The following TFAP2E variants were observed in gnomAD, a reference collection of about 807,000 sequenced individuals.
The protein encoded by TFAP2E is transcription factor AP-2-epsilon.
Under a neutral mutation model 37.9 loss-of-function variants are expected in TFAP2E, and 30 were observed. The observed-to-expected ratio is 0.79, with a 90% CI of 0.59 to 1.07. TFAP2E has a LOEUF of 1.07. Ranked by LOEUF, TFAP2E falls within the 50% of genes least tolerant of loss-of-function variation. The probability of loss-of-function intolerance (pLI) is 0.00; values close to 1 mark genes in which losing one functional copy is unlikely to be tolerated. For missense variants in TFAP2E, 567 were observed against 637.9 expected, an observed-to-expected ratio of 0.89 and a Z score of 1.20; for synonymous variants, 318 against 295.8, an observed-to-expected ratio of 1.08 and a Z score of -0.77.
rs1649221193 is a variant in TFAP2E at position 35,577,710 on chromosome 1, AC to A, written c.562+2712del. The A allele has an allele frequency of 6.7e-6, 2 of 298,942 alleles. No homozygotes were observed. The highest frequency in any genetic ancestry group is 1.4e-5 in the Non-Finnish European group (2 of 147,012). 18.5% of individuals were successfully genotyped at this position (298,942 alleles called of 1,614,324 possible). On this transcript the variant is annotated intron_variant, in intron 3 of 6. Transcript: ENST00000373235. This position sits in a 1 kb window ranked among gnomAD's most constrained non-coding sequence, Gnocchi z 6.3. ...TTCGCCAGCGCCGCGGGGCAGAGGC[AC>A]CTGGAGCTCGCAGGGCCCAGACCTG...
rs374256087 is a variant in TFAP2E, at chr1:35,574,902, C to T, written c.511-47C>T. 1.3e-5 allele frequency: 21 copies of T among 1,612,774 alleles called. No individual in the cohort carries two copies. In the Admixed American group the frequency reaches 2.3e-4, roughly 18 times the overall value. The stretch of plus-strand genomic sequence containing the variant: ...TGGCAGGGGCTTGGGAAGACATGGG[C>T]GGCTAGGGCTTTATGCGCCCTCACC... On this transcript the variant is annotated intron_variant, in intron 2 of 6. Transcript: ENST00000373235.
At position 35,573,917 on chromosome 1, in the gene TFAP2E, C is replaced by T; in HGVS notation, c.28-10C>T. 6.9e-7 allele frequency: 1 copy of T among 1,450,066 alleles called. No homozygotes were observed. The highest frequency in any genetic ancestry group is 1.5e-5 in the African/African-American group (1 of 67,240). The allele number at this position is 1,450,066 out of a possible 1,614,324, so 89.8% of individuals were successfully genotyped here. A position where few individuals can be genotyped will look rare whatever the true frequency, so the allele number is the denominator to read the frequency against. ...AGTGGGTCACCTAAGGCACCCCTCT[C>T]CTTCCCCAGGAGCGCCCCGACGGGC... On this transcript the variant is annotated splice_polypyrimidine_tract_variant and intron_variant, in intron 1 of 6. Transcript: ENST00000373235. This position sits in a 1 kb window ranked among gnomAD's most constrained non-coding sequence, Gnocchi z 5.9.
Position 35,590,608 on chromosome 1 carries a change from AG to A in TFAP2E, c.905-25del. On this transcript the variant is annotated intron_variant, in intron 5 of 6. Coordinates refer to ENST00000373235, the MANE Select transcript of TFAP2E (RefSeq NM_178548.4). The surrounding 1 kb of genome is among the most constrained non-coding windows in gnomAD (Gnocchi z 6.2). ...TTCCAGGCGCAGAGGTACACCCTGCAGTAGTGACAGCTCCCCTCCCCCCAGG... is the reference window on the plus strand; with the variant it reads ...TTCCAGGCGCAGAGGTACACCCTGCATAGTGACAGCTCCCCTCCCCCCAGG... 1 of 1,454,194 alleles carries A rather than the reference AG, an allele frequency of 6.9e-7. No individual in the cohort carries two copies. The highest frequency in any genetic ancestry group is 2.4e-5 in the East Asian group (1 of 41,234). 90.1% of individuals were successfully genotyped at this position (1,454,194 alleles called of 1,614,324 possible). A position where few individuals can be genotyped will look rare whatever the true frequency, so the allele number is the denominator to read the frequency against.
chr1:35,585,164 G>A lies in TFAP2E; in HGVS notation c.563-3166G>A, dbSNP rs12026963. ...CTGAGAACCGAAGGAGCACTGTGGG[G>A]CTCAAAGAGCTCACACCCTGGGAGT... On this transcript the variant is annotated intron_variant, in intron 3 of 6. Transcript: ENST00000373235. Among the ~76,000 whole-genome samples, 31 of 152,224 alleles carry A rather than the reference G, an allele frequency of 2.0e-4. No homozygotes were observed. In the East Asian group the frequency reaches 5.8e-3, roughly 28 times the overall value.
chr1:35,590,929 C>T lies in TFAP2E; in HGVS notation c.1046+154C>T, dbSNP rs1326376207. 2.6e-5 allele frequency among the ~76,000 whole-genome samples: 4 copies of T among 152,096 alleles called. No homozygotes were observed. Among genetic ancestry groups the T allele is most frequent in the Admixed American group, 6.5e-5 (1 of 15,280 alleles). ...CACGAGCAGTGGGCACACACACATA[C>T]GTGCGCACCACTGTGTACATCAGCA... On this transcript the variant is annotated intron_variant, in intron 6 of 6. Coordinates refer to ENST00000373235, the MANE Select transcript of TFAP2E (RefSeq NM_178548.4). This position sits in a 1 kb window ranked among gnomAD's most constrained non-coding sequence, Gnocchi z 6.2.
At chr1:35,583,658 T>G (rs1649411020) in intron 3 of TFAP2E, among the ~76,000 whole-genome samples, 1 of 151,658 alleles carries the variant, frequency 6.6e-6, no homozygotes, top group South Asian at 2.1e-4. Context: ...CTTCTGCATA[T>G]GTGACCAGCA....
chr1:35,574,041 G>C lies in TFAP2E; in HGVS notation c.142G>C (p.Ala48Pro). 6.7e-7 allele frequency: 1 copy of C among 1,485,230 alleles called. No homozygotes were observed. The highest frequency in any genetic ancestry group is 8.9e-7 in the Non-Finnish European group (1 of 1,123,370). The allele number at this position is 1,485,230 out of a possible 1,614,324, so 92.0% of individuals were successfully genotyped here. The change falls in exon 2 of 7, where the codon GCC becomes CCC. Residue 48 changes from alanine (A) to proline (P), a missense_variant. Around this residue, in one of 3 missense-constraint regions of TFAP2E, gnomAD observed 312 missense variants for 317.4 expected, o/e 0.98. Coordinates refer to ENST00000373235, the MANE Select transcript of TFAP2E (RefSeq NM_178548.4). ...LCHTPAATAA[A>P]EFQPPYFPPP... ...CCACACGCCGGCCGCCACAGCTGCC[G>C]CCGAATTCCAGCCGCCCTACTTCCC...
At chr1:35,585,984 G>T (rs1053731282) in intron 3 of TFAP2E, among the ~76,000 whole-genome samples, 1 of 152,138 alleles carries the variant, frequency 6.6e-6, no homozygotes, top group Non-Finnish European at 1.5e-5. Flanking sequence ...GGGAGGTGGT[G>T]GTTGCAGTGA....
At position 35,590,654 on chromosome 1, in the gene TFAP2E, C is replaced by T. The variant is rs748282618; in HGVS notation, c.925C>T (p.Arg309Ter). 8.5e-6 allele frequency: 13 copies of T among 1,525,770 alleles called. No individual in the cohort carries two copies. The highest frequency in any genetic ancestry group is 6.3e-5 in the South Asian group (5 of 79,040). The allele number at this position is 1,525,770 out of a possible 1,614,324, so 94.5% of individuals were successfully genotyped here. A position where few individuals can be genotyped will look rare whatever the true frequency, so the allele number is the denominator to read the frequency against. Residue 309 changes from arginine to a stop codon, truncating the protein, a stop_gained, in exon 6 of 7, where the codon CGA becomes TGA. Transcript: ENST00000373235. LOFTEE classifies it high-confidence loss of function. The surrounding 1 kb of genome is among the most constrained non-coding windows in gnomAD (Gnocchi z 6.2). ...CCCAGGAGAGGCCGTGCACCTGGCCCGAGACTTCGGTTACGTCTGTGAGAC... is the reference window on the plus strand; with the variant it reads ...CCCAGGAGAGGCCGTGCACCTGGCCTGAGACTTCGGTTACGTCTGTGAGAC... ...LVEGEAVHLA[R>*]DFGYVCETEF...
intron 3 of TFAP2E, among the ~76,000 whole-genome samples, chr1:35,578,185 G>A (rs985343392): frequency 4.6e-5 from 7 of 152,144 alleles, no homozygotes; most frequent in African/African-American, 1.7e-4. Flanking sequence ...AAGAGGGGGT[G>A]TGTAAAAAGG....
At chr1:35,586,834 CT>C (rs1007611301) in intron 3 of TFAP2E, among the ~76,000 whole-genome samples, 2 of 152,128 alleles carry the variant, frequency 1.3e-5, no homozygotes, top group African/African-American at 4.8e-5. Context: ...GCCTTTCCTA[CT>C]TTTGTATTCC....
In TFAP2E at chr1:35,590,730, A is replaced by G. The variant is rs1649639832; in HGVS notation, c.1001A>G (p.Asp334Gly). The G allele has an allele frequency of 1.3e-6, 2 of 1,537,066 alleles. No homozygotes were observed. The highest frequency in any genetic ancestry group is 8.8e-7 in the Non-Finnish European group (1 of 1,131,016). ...GAGTACCTGTGCCGACAGCACGCTG[A>G]CCCGGGGGAGCTGCACAGCCGCAAG... ...AAEYLCRQHA[D>G]PGELHSRKSM... Residue 334 changes from aspartate (D) to glycine (G), a missense_variant, in exon 6 of 7, where the codon GAC becomes GGC. Asp to Gly is a moderately conservative substitution (Grantham distance 94, BLOSUM62 -1). Coordinates refer to ENST00000373235, the MANE Select transcript of TFAP2E (RefSeq NM_178548.4). The surrounding 1 kb of genome is among the most constrained non-coding windows in gnomAD (Gnocchi z 6.2).
chr1:35,574,644 GA>G (rs1649116357), intron 2 of TFAP2E: 1 of 732,692 alleles, frequency 1.4e-6, no homozygotes, highest in African/African-American at 1.8e-5. Context: ...GGCAGGGACC[GA>G]ATCACTTCTT....
In TFAP2E at chr1:35,587,267, C is replaced by G. The variant is rs77197768; in HGVS notation, c.563-1063C>G. ...TTCGATATTCTCCCTTCCCCTGAGG[C>G]TAAGCAGGAGGATGGAGGTTAGACT... On this transcript the variant is annotated intron_variant, in intron 3 of 6. Coordinates refer to ENST00000373235, the MANE Select transcript of TFAP2E (RefSeq NM_178548.4). Among the ~76,000 whole-genome samples the G allele has an allele frequency of 6.3e-3, 956 of 152,336 alleles. 10 individuals are homozygous for G. The highest frequency in any genetic ancestry group is 0.022 in the African/African-American group (916 of 41,578).
In TFAP2E at chr1:35,579,782, G is replaced by A. The variant is rs1267970120; in HGVS notation, c.562+4782G>A. 2.0e-5 allele frequency among the ~76,000 whole-genome samples: 3 copies of A among 152,260 alleles called. No homozygotes were observed. In the East Asian group the frequency reaches 5.8e-4, roughly 29 times the overall value. ...GCACTTCCACAACCCTTTCTCACCT[G>A]CCTCCCAGGCTACTCTCTGCCCCAG... On this transcript the variant is annotated intron_variant, in intron 3 of 6. Coordinates refer to ENST00000373235, the MANE Select transcript of TFAP2E (RefSeq NM_178548.4).
chr1:35,583,333 G>A (rs756525863), intron 3 of TFAP2E, among the ~76,000 whole-genome samples: 2 of 151,846 alleles, frequency 1.3e-5, no homozygotes, highest in Admixed American at 1.3e-4. Flanking sequence ...TAGTAGAGAT[G>A]GGGTTTTCCC....
chr1:35,592,808 C>T (rs1480150470), intron 6 of TFAP2E, among the ~76,000 whole-genome samples: 1 of 152,126 alleles, frequency 6.6e-6, no homozygotes, highest in African/African-American at 2.4e-5. Context: ...TGCTGTGTGT[C>T]CTCACATTGT....
In TFAP2E at chr1:35,574,252, C is replaced by A. The variant is rs1301374693; in HGVS notation, c.353C>A (p.Ala118Glu). The part of the protein sequence containing the change: ...RAHEEPPGLL[A>E]PPARALGLDP... ...CACGAGGAGCCTCCCGGCCTGCTGGCACCGCCCGCCCGCGCCCTGGGCCTT... is the reference window on the plus strand; with the variant it reads ...CACGAGGAGCCTCCCGGCCTGCTGGAACCGCCCGCCCGCGCCCTGGGCCTT... The change falls in exon 2 of 7, where the codon GCA (alanine) becomes GAA (glutamate). Residue 118 changes from alanine to glutamate, a missense_variant. By Grantham distance (107) the Ala-to-Glu change is moderately radical. Coordinates refer to ENST00000373235, the MANE Select transcript of TFAP2E (RefSeq NM_178548.4). The A allele has an allele frequency of 7.6e-7, 1 of 1,310,888 alleles. No homozygotes were observed. The highest frequency in any genetic ancestry group is 1.6e-5 in the South Asian group (1 of 62,880). 81.2% of individuals were successfully genotyped at this position (1,310,888 alleles called of 1,614,324 possible).
rs1450141800 is a variant in TFAP2E at position 35,578,351 on chromosome 1, C to T, written c.562+3351C>T. ...GCTGAGCCAGGGGAATCGCTTGAACCCGGGAGGCGGAGATTGCAGTGAGCC... is the reference window on the plus strand; with the variant it reads ...GCTGAGCCAGGGGAATCGCTTGAACTCGGGAGGCGGAGATTGCAGTGAGCC... On this transcript the variant is annotated intron_variant, in intron 3 of 6. Coordinates refer to ENST00000373235, the MANE Select transcript of TFAP2E (RefSeq NM_178548.4). Among the ~76,000 whole-genome samples, 3 of 151,918 alleles carry T rather than the reference C, an allele frequency of 2.0e-5. No individual in the cohort carries two copies. In the East Asian group the frequency reaches 5.8e-4, roughly 29 times the overall value.
Sources: allele counts gnomAD v4.1 joint callset (sites outside exome capture counted in the v4.1 genomes callset), GRCh38; gene constraint gnomAD v4.1.1; regional missense constraint gnomAD v4.1.1; non-coding constraint Gnocchi (gnomAD v3.1); transcripts MANE v1.5; gene names NCBI Gene and HGNC (gene_info 2026-07-23, HGNC 2026-07-21).